The following DAB1 variants were observed in gnomAD, a reference collection of about 807,000 sequenced individuals.
The protein encoded by DAB1 is disabled homolog 1.
Under a neutral mutation model 64.6 loss-of-function variants are expected in DAB1, and 15 were observed. That is an observed-to-expected ratio of 0.23 (90% CI 0.16 to 0.36). The LOEUF (loss-of-function observed/expected upper bound fraction) is 0.36, where lower values mean the gene tolerates loss of function less well. Ranked by LOEUF, DAB1 falls within the 10% of genes least tolerant of loss-of-function variation. The pLI, the probability that DAB1 is intolerant of heterozygous loss-of-function variation, is 1.00. For missense variants in DAB1, 596 were observed against 706.7 expected (o/e 0.84, Z 1.78); for synonymous variants, 235 against 251.9 (o/e 0.93, Z 0.64).
intron 5 of DAB1, among the ~76,000 whole-genome samples, chr1:58,031,991 T>A (rs1343701710): frequency 5.0e-5 from 1 of 19,856 alleles, no homozygotes; most frequent in Non-Finnish European, 1.1e-4. Flanking sequence ...GATAGAAACG[T>A]GTGTGTGTGT....
At chr1:58,510,220 A>T (rs2100425409) in intron 2 of DAB1, among the ~76,000 whole-genome samples, 1 of 152,128 alleles carries the variant, frequency 6.6e-6, no homozygotes, top group East Asian at 1.9e-4. Flanking sequence ...ACATAAATAC[A>T]AAAATTCTTA....
intron 2 of DAB1, among the ~76,000 whole-genome samples, chr1:57,235,857 C>A (rs973623829): frequency 6.6e-6 from 1 of 152,234 alleles, no homozygotes; most frequent in South Asian, 2.1e-4. Flanking sequence ...GAGCATCCCA[C>A]CTTGCTGCAG....
intron 7 of DAB1, among the ~76,000 whole-genome samples, chr1:57,646,220 G>A (rs977875099): frequency 5.3e-5 from 8 of 152,142 alleles, no homozygotes; most frequent in Admixed American, 1.3e-4. Context: ...AGACTTTCAA[G>A]TAATTCTAAA....
chr1:57,585,568 C>G (rs11207069), intron 7 of DAB1, among the ~76,000 whole-genome samples: 53 of 152,088 alleles, frequency 3.5e-4, no homozygotes, highest in African/African-American at 9.6e-4. Context: ...CTTCACAGTC[C>G]CAATCACTCC....
At chr1:57,528,879 C>T (rs1644627705) in intron 7 of DAB1, among the ~76,000 whole-genome samples, 2 of 152,156 alleles carry the variant, frequency 1.3e-5, no homozygotes, top group South Asian at 4.1e-4. Flanking sequence ...AAAATGGAGA[C>T]AATTTGTTGC....
chr1:57,858,858 AG>A (rs1653876767), intron 1 of DAB1, among the ~76,000 whole-genome samples: 1 of 151,284 alleles, frequency 6.6e-6, no homozygotes, highest in Admixed American at 6.6e-5. Context: ...CACTAACCTG[AG>A]GGGTACTTAG....
At chr1:57,242,636 T>C (rs1668576954) in intron 2 of DAB1, among the ~76,000 whole-genome samples, 1 of 152,218 alleles carries the variant, frequency 6.6e-6, no homozygotes, top group East Asian at 1.9e-4. Context: ...TGATAATAAC[T>C]TTACAATGTA....
intron 2 of DAB1, among the ~76,000 whole-genome samples, chr1:58,515,859 T>C (rs1245735760): frequency 2.6e-5 from 4 of 152,234 alleles, no homozygotes; most frequent in Non-Finnish European, 5.9e-5. Flanking sequence ...TAGATTAAAT[T>C]AGCTCCAATT....
At chr1:57,804,497 T>C (rs1651273614) in intron 6 of DAB1, among the ~76,000 whole-genome samples, 1 of 152,188 alleles carries the variant, frequency 6.6e-6, no homozygotes, top group South Asian at 2.1e-4. Context: ...CCTGAACTTC[T>C]ACCCATTACC....
At chr1:58,157,663 C>T (rs921863579) in intron 4 of DAB1, among the ~76,000 whole-genome samples, 1 of 152,120 alleles carries the variant, frequency 6.6e-6, no homozygotes, top group Non-Finnish European at 1.5e-5. Flanking sequence ...CGATTCAGAG[C>T]TTAATTATCT....
At chr1:57,561,236 A>T (rs114632635) in intron 7 of DAB1, among the ~76,000 whole-genome samples, 2,259 of 152,250 alleles carry the variant, frequency 0.015, 48 homozygotes, top group African/African-American at 0.052. Context: ...GGTTCTTAAC[A>T]ATATGCAGGA....
intron 7 of DAB1, chr1:57,606,069 C>A: frequency 1.8e-6 from 1 of 562,412 alleles, no homozygotes; most frequent in South Asian, 1.7e-5. Context: ...CTTTGATATT[C>A]TTTTCCTTTG....
intron 3 of DAB1, among the ~76,000 whole-genome samples, chr1:58,353,376 G>A (rs1644077628): frequency 1.3e-5 from 2 of 152,158 alleles, no homozygotes; most frequent in Non-Finnish European, 1.5e-5. Flanking sequence ...TAAAACAGGT[G>A]TTTCTTTTCC....
At chr1:57,316,202 G>T (rs1038813432) in intron 1 of DAB1, among the ~76,000 whole-genome samples, 4 of 152,202 alleles carry the variant, frequency 2.6e-5, no homozygotes, top group Non-Finnish European at 5.9e-5. Flanking sequence ...GAGAAAACAG[G>T]TGAGGCATTT....
In DAB1 at chr1:57,135,416, T is replaced by C. The variant is rs76987377; in HGVS notation, c.306+1127A>G. 5.8e-3 allele frequency among the ~76,000 whole-genome samples: 885 copies of C among 152,362 alleles called. 3 individuals are homozygous for C. The highest frequency in any genetic ancestry group is 8.6e-3 in the Admixed American group (132 of 15,306). ...ATAATGTCTTCAAGGCTCATACACATTGTAGCACAGGTCAGAATTTTCTTC... is the reference window on the plus strand; with the variant it reads ...ATAATGTCTTCAAGGCTCATACACACTGTAGCACAGGTCAGAATTTTCTTC... On this transcript the variant is annotated intron_variant, in intron 4 of 14. Coordinates refer to ENST00000371236, the MANE Select transcript of DAB1 (RefSeq NM_001365792.1).
intron 5 of DAB1, among the ~76,000 whole-genome samples, chr1:58,075,872 G>C (rs1465172810): frequency 6.6e-6 from 1 of 151,970 alleles, no homozygotes. Flanking sequence ...TACCCAGGTG[G>C]GAAGTAGAGG....
At chr1:58,224,600 C>G (rs1033774311) in intron 4 of DAB1, among the ~76,000 whole-genome samples, 7 of 152,024 alleles carry the variant, frequency 4.6e-5, no homozygotes, top group African/African-American at 1.7e-4. Context: ...TGTTCTGAGC[C>G]ACAGTGTTCC....
chr1:57,997,663 G>T (rs1249161824), intron 5 of DAB1, among the ~76,000 whole-genome samples: 1 of 152,118 alleles, frequency 6.6e-6, no homozygotes, highest in East Asian at 1.9e-4. Flanking sequence ...TTGCTGAACT[G>T]GGGGTGAAGA....
chr1:57,831,475 T>C (rs1429298533), intron 1 of DAB1, among the ~76,000 whole-genome samples: 1 of 151,964 alleles, frequency 6.6e-6, no homozygotes, highest in Non-Finnish European at 1.5e-5. Flanking sequence ...CACCAAATAT[T>C]GCCTCATTCA....
Sources: allele counts gnomAD v4.1 joint callset (sites outside exome capture counted in the v4.1 genomes callset), GRCh38; gene constraint gnomAD v4.1.1; transcripts MANE v1.5; gene names NCBI Gene and HGNC (gene_info 2026-07-23, HGNC 2026-07-21).